Variants in MAGI2 observed in about 807,000 individuals in gnomAD.
MAGI2 encodes the protein membrane associated guanylate kinase, WW and PDZ domain containing 2.
In MAGI2, 35 loss-of-function variants were observed where a neutral mutation model predicts 133.3. The observed-to-expected ratio is 0.26, with a 90% CI of 0.20 to 0.35. The LOEUF is 0.35. MAGI2 is among the 10% of genes least tolerant of loss of function. The pLI is 1.00. For synonymous variants in MAGI2, 729 were observed against 710.6 expected (o/e 1.03, Z -0.41); for missense variants, 1,636 against 1,863.4 (o/e 0.88, Z 2.25).
chr7:79,120,707 A>G lies in MAGI2; in HGVS notation c.302-113501T>C, dbSNP rs375899287. 9.2e-5 allele frequency among the ~76,000 whole-genome samples: 14 copies of G among 152,194 alleles called. No homozygotes were observed. The East Asian group carries it at 2.7e-3, about 29-fold the overall frequency. On this transcript the variant is annotated intron_variant, in intron 1 of 21. Transcript: ENST00000354212. Reference sequence around the variant, plus strand: ...TAAGTAGGAACTTAGTGTTTTTGTTACTTGAATGACTCATTTAGTGGTTGT... The same window carrying G: ...TAAGTAGGAACTTAGTGTTTTTGTTGCTTGAATGACTCATTTAGTGGTTGT...
intron 1 of MAGI2, among the ~76,000 whole-genome samples, chr7:79,106,916 T>C (rs868719070): frequency 5.9e-5 from 9 of 152,182 alleles, no homozygotes; most frequent in Admixed American, 2.0e-4. Flanking sequence ...GAAATCTTAG[T>C]TCCCAAGTTT....
intron 1 of MAGI2, among the ~76,000 whole-genome samples, chr7:79,261,305 C>G (rs1834072974): frequency 6.6e-6 from 1 of 152,192 alleles, no homozygotes; most frequent in Admixed American, 6.5e-5. Flanking sequence ...ACCAGGGTTT[C>G]CCCTGGGCTA....
intron 20 of MAGI2, among the ~76,000 whole-genome samples, chr7:78,096,670 T>A (rs572448322): frequency 9.5e-4 from 145 of 152,296 alleles, no homozygotes; most frequent in Middle Eastern, 3.4e-3. Flanking sequence ...ACAGCCATGT[T>A]TATTTATTTA....
At chr7:78,582,585 A>G (rs1471670224) in intron 3 of MAGI2, among the ~76,000 whole-genome samples, 1 of 152,238 alleles carries the variant, frequency 6.6e-6, no homozygotes, top group Admixed American at 6.5e-5. Flanking sequence ...CCAAGAGGCA[A>G]TATGAAGGAA....
chr7:78,163,935 T>A (rs1320630384), intron 15 of MAGI2, among the ~76,000 whole-genome samples: 1 of 150,158 alleles, frequency 6.7e-6, no homozygotes, highest in Non-Finnish European at 1.5e-5. Context: ...TAATTGCCAA[T>A]GTTTGTAAAT....
intron 1 of MAGI2, among the ~76,000 whole-genome samples, chr7:79,135,064 G>A (rs952209764): frequency 2.0e-5 from 3 of 152,188 alleles, no homozygotes; most frequent in African/African-American, 7.2e-5. Flanking sequence ...TATATTTGGA[G>A]AATGAGTCTG....
chr7:78,915,194 C>T (rs1270915713), intron 2 of MAGI2, among the ~76,000 whole-genome samples: 1 of 152,034 alleles, frequency 6.6e-6, no homozygotes, highest in South Asian at 2.1e-4. Flanking sequence ...AGAGGGCCCA[C>T]GGTGTGAATC....
chr7:78,516,427 T>C (rs1220678919), intron 4 of MAGI2, among the ~76,000 whole-genome samples: 1 of 152,080 alleles, frequency 6.6e-6, no homozygotes, highest in Non-Finnish European at 1.5e-5. Context: ...TCATGGCTCC[T>C]TGCAGCCTTG....
intron 2 of MAGI2, among the ~76,000 whole-genome samples, chr7:78,906,538 C>T (rs965310318): frequency 1.1e-4 from 17 of 152,108 alleles, no homozygotes; most frequent in Non-Finnish European, 5.9e-5. Context: ...GAATCTCTAC[C>T]AACATGGTTT....
Position 78,017,275 on chromosome 7 carries a change from AAT to A in MAGI2, c.*2038_*2039del, listed in dbSNP as rs368421903. ...GTAAATTCACAGCTAACACTACACAAATATTATTTGGAATGGGATTTAGATGA... is the reference window on the plus strand; with the variant it reads ...GTAAATTCACAGCTAACACTACACAAATTATTTGGAATGGGATTTAGATGA... On this transcript the variant is annotated 3_prime_UTR_variant, in exon 22 of 22. Coordinates refer to ENST00000354212, the MANE Select transcript of MAGI2 (RefSeq NM_012301.4). 9 of 152,760 alleles carry A rather than the reference AAT, an allele frequency of 5.9e-5. No homozygotes were observed. The highest frequency in any genetic ancestry group is 1.0e-4 in the Non-Finnish European group (7 of 68,032). The allele number at this position is 152,760 out of a possible 1,614,324, so 9.5% of individuals were successfully genotyped here.
chr7:78,845,460 G>T (rs546953), intron 2 of MAGI2, among the ~76,000 whole-genome samples: 95,525 of 151,636 alleles, frequency 0.63, 31,003 homozygotes, highest in East Asian at 0.73. Flanking sequence ...CCTCTCAGTT[G>T]AAGGCCTTGG....
At chr7:78,686,578 G>T (rs1364528024) in intron 2 of MAGI2, among the ~76,000 whole-genome samples, 1 of 137,386 alleles carries the variant, frequency 7.3e-6, no homozygotes, top group Non-Finnish European at 1.6e-5. Context: ...AAAAAAAAAG[G>T]AACAGATGAA....
At chr7:78,921,570 C>A (rs528991455) in intron 2 of MAGI2, among the ~76,000 whole-genome samples, 20 of 151,842 alleles carry the variant, frequency 1.3e-4, no homozygotes, top group Non-Finnish European at 2.6e-4. Flanking sequence ...TTGAAAACAG[C>A]ACAGGAAATC....
chr7:78,517,732 T>G (rs1222766886), intron 4 of MAGI2, among the ~76,000 whole-genome samples: 1 of 152,128 alleles, frequency 6.6e-6, no homozygotes, highest in African/African-American at 2.4e-5. Flanking sequence ...GGGAGAAATA[T>G]TTCTGTCCTG....
intron 2 of MAGI2, among the ~76,000 whole-genome samples, chr7:78,727,961 G>A (rs1563418429): frequency 1.3e-5 from 2 of 152,182 alleles, no homozygotes; most frequent in Non-Finnish European, 2.9e-5. Flanking sequence ...AGGTTGTGAT[G>A]CACACTAAGA....
chr7:78,362,279 G>C (rs1269125843), intron 7 of MAGI2, among the ~76,000 whole-genome samples: 1 of 152,154 alleles, frequency 6.6e-6, no homozygotes, highest in Non-Finnish European at 1.5e-5. Flanking sequence ...TCCAGCCTGG[G>C]AGACAGAGCG....
At chr7:78,421,838 A>C (rs1445535189) in intron 6 of MAGI2, among the ~76,000 whole-genome samples, 1 of 152,112 alleles carries the variant, frequency 6.6e-6, no homozygotes, top group African/African-American at 2.4e-5. Flanking sequence ...AACATCACAG[A>C]GGTCATAAGG....
At chr7:78,148,914 C>T (rs1413561573) in intron 16 of MAGI2, among the ~76,000 whole-genome samples, 2 of 151,984 alleles carry the variant, frequency 1.3e-5, no homozygotes, top group East Asian at 3.9e-4. Flanking sequence ...ATTATGGCAG[C>T]TAAGTGAGAT....
At position 78,406,180 on chromosome 7, in the gene MAGI2, C is replaced by A. The variant is rs575632027; in HGVS notation, c.1046-36967G>T. On this transcript the variant is annotated intron_variant, in intron 6 of 21. Coordinates refer to ENST00000354212, the MANE Select transcript of MAGI2 (RefSeq NM_012301.4). ...AATGAACAAGAAAAAAATTGAGACCCTCCAAATAAGCATTTTAATTCTCAT... is the reference window on the plus strand; with the variant it reads ...AATGAACAAGAAAAAAATTGAGACCATCCAAATAAGCATTTTAATTCTCAT... Among the ~76,000 whole-genome samples, 105 of 152,030 alleles carry A rather than the reference C, an allele frequency of 6.9e-4. 1 individual carries two copies. Among genetic ancestry groups the A allele is most frequent in the African/African-American group, 2.3e-3 (95 of 41,520 alleles).
Sources: allele counts gnomAD v4.1 joint callset (sites outside exome capture counted in the v4.1 genomes callset), GRCh38; gene constraint gnomAD v4.1.1; transcripts MANE v1.5; gene names NCBI Gene and HGNC (gene_info 2026-07-23, HGNC 2026-07-21).